Variants in TMEM131 observed in about 807,000 individuals in gnomAD.
TMEM131 encodes 2610524E03Rik.
Under a neutral mutation model 211.6 loss-of-function variants are expected in TMEM131, and 66 were observed. The ratio of observed to expected loss-of-function variants is 0.31; its 90% CI spans 0.26 to 0.38. The LOEUF is 0.38. Among genes scored for constraint, TMEM131 ranks in the 10% least tolerant of loss-of-function variants. The probability of loss-of-function intolerance (pLI) is 1.00; values close to 1 mark genes in which losing one functional copy is unlikely to be tolerated. For missense variants in TMEM131, 2,036 were observed against 2,299.3 expected (o/e 0.89, Z 2.34); for synonymous variants, 844 against 841.3 (o/e 1.00, Z -0.06).
At chr2:97,974,533 A>T (rs1266836040) in intron 1 of TMEM131, among the ~76,000 whole-genome samples, 1 of 152,116 alleles carries the variant, frequency 6.6e-6, no homozygotes, top group Admixed American at 6.5e-5. Flanking sequence ...AACATGAAAA[A>T]AACTACACCA....
chr2:97,917,069 C>T (rs1676537332), intron 2 of TMEM131, among the ~76,000 whole-genome samples: 1 of 152,146 alleles, frequency 6.6e-6, no homozygotes, highest in Admixed American at 6.5e-5. Context: ...TCCTTTTCTC[C>T]TGGGAGAACA....
At chr2:97,766,328 A>G in intron 34 of TMEM131, 65 bp from the exon 35 acceptor site, 2 of 1,608,014 alleles carry the variant, frequency 1.2e-6, no homozygotes, top group Non-Finnish European at 1.7e-6. Context: ...GGTCTATTTC[A>G]ATGAACCTTC....
At chr2:97,859,530 A>C (rs1673980494) in intron 4 of TMEM131, 103 bp from the exon 5 acceptor site, 3 of 910,172 alleles carry the variant, frequency 3.3e-6, no homozygotes, top group Admixed American at 3.8e-5. Context: ...TACATAGCTA[A>C]ATATATTAAA....
At chr2:97,932,729 G>A (rs571297927) in intron 1 of TMEM131, among the ~76,000 whole-genome samples, 95 of 152,276 alleles carry the variant, frequency 6.2e-4, no homozygotes, top group Non-Finnish European at 1.1e-3. Flanking sequence ...TTCAGTATCA[G>A]AAAATCACTA....
At chr2:97,770,967 T>A (rs1297217177) in intron 33 of TMEM131, among the ~76,000 whole-genome samples, 2 of 152,218 alleles carry the variant, frequency 1.3e-5, no homozygotes, top group Non-Finnish European at 2.9e-5. Context: ...GAAGAATCTC[T>A]AGCTAGTAGC....
intron 4 of TMEM131, among the ~76,000 whole-genome samples, chr2:97,877,871 C>G (rs770377276): frequency 6.6e-6 from 1 of 152,032 alleles, no homozygotes; most frequent in Non-Finnish European, 1.5e-5. Context: ...CTAATTAAAC[C>G]AAAGAGCTTC....
rs6875 is a variant in TMEM131 at position 97,756,517 on chromosome 2, A to G, written c.*582T>C. 0.27 allele frequency: 41,742 copies of G among 152,252 alleles called. 6,295 individuals are homozygous for G. Among genetic ancestry groups the G allele is most frequent in the Middle Eastern group, 0.38 (111 of 294 alleles). The allele number at this position is 152,252 out of a possible 1,614,324, so 9.4% of individuals were successfully genotyped here. On this transcript the variant is annotated 3_prime_UTR_variant, in exon 41 of 41. Coordinates refer to ENST00000186436, the MANE Select transcript of TMEM131 (RefSeq NM_015348.2). ...CAGCACAGAAAATGCATATGGTCTC[A>G]ACTGAATGTTTTTACATTCATTCAC...
At chr2:97,874,058 C>A (rs747942201) in intron 4 of TMEM131, among the ~76,000 whole-genome samples, 1 of 152,118 alleles carries the variant, frequency 6.6e-6, no homozygotes. Context: ...AAATACAGCA[C>A]GAGAACTTTG....
chr2:97,947,235 A>G (rs1678085773), intron 1 of TMEM131, among the ~76,000 whole-genome samples: 2 of 152,090 alleles, frequency 1.3e-5, no homozygotes, highest in African/African-American at 4.8e-5. Flanking sequence ...CTTCGTGCCA[A>G]TAAAACGCAA....
intron 11 of TMEM131, among the ~76,000 whole-genome samples, chr2:97,824,246 C>T (rs1289937462): frequency 6.6e-6 from 1 of 152,222 alleles, no homozygotes; most frequent in East Asian, 1.9e-4. Flanking sequence ...CCAGAAGCCC[C>T]CAACCAGATA....
At chr2:97,761,118 G>A in intron 36 of TMEM131, 1 of 595,622 alleles carries the variant, frequency 1.7e-6, no homozygotes, top group Non-Finnish European at 2.9e-6. Context: ...AGAAAGGTAA[G>A]AAAACAAAAG....
At chr2:97,926,656 T>A (rs185070733) in intron 2 of TMEM131, among the ~76,000 whole-genome samples, 245 of 152,334 alleles carry the variant, frequency 1.6e-3, no homozygotes, top group African/African-American at 5.6e-3. Context: ...CCCAAGCTCC[T>A]GTCCAAGCAT....
chr2:97,925,556 T>C (rs1415025380), intron 2 of TMEM131, among the ~76,000 whole-genome samples: 3 of 152,302 alleles, frequency 2.0e-5, no homozygotes, highest in African/African-American at 7.2e-5. Context: ...TCATAACAAG[T>C]GCAAACCCAT....
chr2:97,933,500 T>C (rs927197670), intron 1 of TMEM131, among the ~76,000 whole-genome samples: 2 of 152,090 alleles, frequency 1.3e-5, no homozygotes, highest in African/African-American at 4.8e-5. Flanking sequence ...GCTTAATGGT[T>C]ACTGAGTCTC....
chr2:97,994,771 CTAA>C (rs1314531325), intron 1 of TMEM131, among the ~76,000 whole-genome samples: 2 of 152,158 alleles, frequency 1.3e-5, no homozygotes, highest in African/African-American at 4.8e-5. Context: ...CAGTACAATA[CTAA>C]TGAGATTTTT....
intron 5 of TMEM131, among the ~76,000 whole-genome samples, chr2:97,856,813 G>C (rs1673867738): frequency 6.6e-6 from 1 of 152,000 alleles, no homozygotes; most frequent in Non-Finnish European, 1.5e-5. Flanking sequence ...TTATTGTAGG[G>C]AAAAAAAGAT....
At chr2:97,854,027 A>C (rs1229225041) in intron 5 of TMEM131, among the ~76,000 whole-genome samples, 2 of 152,244 alleles carry the variant, frequency 1.3e-5, no homozygotes, top group Non-Finnish European at 2.9e-5. Flanking sequence ...GTAAAGTGCT[A>C]TTAAACAGCA....
intron 4 of TMEM131, among the ~76,000 whole-genome samples, chr2:97,860,586 GTC>G (rs1467143700): frequency 1.3e-5 from 2 of 152,104 alleles, no homozygotes; most frequent in Non-Finnish European, 2.9e-5. Context: ...AAGAAGTTCT[GTC>G]TCTACCTTTT....
intron 4 of TMEM131, among the ~76,000 whole-genome samples, chr2:97,886,082 C>T (rs1319001419): frequency 6.6e-6 from 1 of 151,962 alleles, no homozygotes; most frequent in African/African-American, 2.4e-5. Flanking sequence ...TTATTTCACT[C>T]ATTGAATTCT....
Sources: gnomAD v4.1 joint callset for allele counts (sites outside exome capture counted in the v4.1 genomes callset) on GRCh38, gnomAD v4.1.1 for gene constraint, MANE v1.5 for transcripts, NCBI Gene and HGNC (gene_info 2026-07-23, HGNC 2026-07-21) for gene names.